PXDNL: variants seen among roughly 807,000 people sequenced by gnomAD.
PXDNL encodes probable oxidoreductase PXDNL.
PXDNL carries 145 observed loss-of-function variants against 150.8 expected under a neutral mutation model. The observed-to-expected ratio is 0.96, with a 90% CI of 0.84 to 1.10. The LOEUF is 1.10. PXDNL is among the 50% of genes least tolerant of loss of function. The pLI is 0.00. For synonymous variants in PXDNL, 757 were observed against 725.7 expected (o/e 1.04, Z -0.69); for missense variants, 2,087 against 1,873.9 (o/e 1.11, Z -2.10).
At chr8:51,601,348 G>A (rs186246197) in intron 2 of PXDNL, among the ~76,000 whole-genome samples, 2 of 152,078 alleles carry the variant, frequency 1.3e-5, no homozygotes, top group Admixed American at 1.3e-4. Context: ...TTACTGTGTG[G>A]CTGTCTAAGT....
intron 4 of PXDNL, among the ~76,000 whole-genome samples, chr8:51,540,043 T>G (rs894502681): frequency 6.6e-6 from 1 of 151,810 alleles, no homozygotes; most frequent in African/African-American, 2.4e-5. Context: ...GGACTACAGG[T>G]GCACACCACC....
At position 51,577,999 on chromosome 8, in the gene PXDNL, G is replaced by GAGGAAGGAAGGAAGGA. The variant is rs200324232; in HGVS notation, c.308+14612_308+14627dup. ...AGAAAGAAAGAAAGAAAGAAAGAAA[G>GAGGAAGGAAGGAAGGA]AGGAAGGAAGGAAGGAAGGAAGGAA... On this transcript the variant is annotated intron_variant, in intron 3 of 22. Coordinates refer to ENST00000356297, the MANE Select transcript of PXDNL (RefSeq NM_144651.5). Among the ~76,000 whole-genome samples the GAGGAAGGAAGGAAGGA allele has an allele frequency of 2.3e-3, 74 of 31,538 alleles. 1 individual carries two copies. Among genetic ancestry groups the GAGGAAGGAAGGAAGGA allele is most frequent in the African/African-American group, 4.3e-3 (33 of 7,744 alleles). The allele number at this position is 31,538 out of a possible 152,430, so 20.7% of individuals were successfully genotyped here.
intron 2 of PXDNL, among the ~76,000 whole-genome samples, chr8:51,618,987 G>C (rs114867153): frequency 1.1e-3 from 172 of 152,274 alleles, no homozygotes; most frequent in African/African-American, 3.8e-3. Flanking sequence ...ACAGTTCTGA[G>C]AGTATGACCT....
At chr8:51,451,334 C>T (rs1809805030) in intron 10 of PXDNL, among the ~76,000 whole-genome samples, 1 of 152,088 alleles carries the variant, frequency 6.6e-6, no homozygotes, top group Non-Finnish European at 1.5e-5. Flanking sequence ...CTAAAATGAG[C>T]AGCTTGCTAG....
Position 51,640,465 on chromosome 8 carries a change from A to T in PXDNL, c.236+14224T>A, listed in dbSNP as rs375592415. 2.3e-3 allele frequency among the ~76,000 whole-genome samples: 349 copies of T among 152,358 alleles called. 2 individuals carry two copies. The highest frequency in any genetic ancestry group is 8.3e-3 in the South Asian group (40 of 4,826). On this transcript the variant is annotated intron_variant, in intron 2 of 22. Coordinates refer to ENST00000356297, the MANE Select transcript of PXDNL (RefSeq NM_144651.5). ...TATACCTAGAAAACCCCATTGTCTC[A>T]GCCCAAATTCTCCTTAAGCTGATAA...
intron 18 of PXDNL, among the ~76,000 whole-genome samples, chr8:51,372,763 G>T (rs918686628): frequency 6.6e-6 from 1 of 152,148 alleles, no homozygotes; most frequent in Non-Finnish European, 1.5e-5. Flanking sequence ...TGCCTAAAAA[G>T]AAAATAGCAC....
At chr8:51,718,641 T>C (rs777170273) in intron 1 of PXDNL, among the ~76,000 whole-genome samples, 1 of 152,200 alleles carries the variant, frequency 6.6e-6, no homozygotes, top group Non-Finnish European at 1.5e-5. Context: ...TAGAATTCTT[T>C]TGAAAAGTAT....
intron 19 of PXDNL, among the ~76,000 whole-genome samples, chr8:51,351,255 A>T (rs563923460): frequency 6.6e-6 from 1 of 152,218 alleles, no homozygotes; most frequent in East Asian, 1.9e-4. Flanking sequence ...AGACTATAAC[A>T]TTATTTGGAA....
At chr8:51,699,867 C>T (rs1024509382) in intron 1 of PXDNL, among the ~76,000 whole-genome samples, 1 of 152,136 alleles carries the variant, frequency 6.6e-6, no homozygotes, top group African/African-American at 2.4e-5. Flanking sequence ...GGACATTTGT[C>T]AGTTAAGTTC....
chr8:51,642,465 G>A (rs1585642411), intron 2 of PXDNL, among the ~76,000 whole-genome samples: 1 of 152,180 alleles, frequency 6.6e-6, no homozygotes, highest in East Asian at 1.9e-4. Context: ...AATAGATGCA[G>A]ATAAGGCCTT....
intron 14 of PXDNL, among the ~76,000 whole-genome samples, chr8:51,418,580 A>G (rs1396040914): frequency 6.6e-6 from 1 of 152,230 alleles, no homozygotes; most frequent in Non-Finnish European, 1.5e-5. Context: ...TTGGAAAATA[A>G]CTAGAACTCA....
At chr8:51,709,366 C>T (rs4873578) in intron 1 of PXDNL, among the ~76,000 whole-genome samples, 100,930 of 151,730 alleles carry the variant, frequency 0.67, 34,794 homozygotes, top group East Asian at 0.81. Flanking sequence ...GCCATTCTCC[C>T]GCCTCAGCCT....
intron 1 of PXDNL, among the ~76,000 whole-genome samples, chr8:51,686,925 A>G (rs1815890164): frequency 6.6e-6 from 1 of 152,132 alleles, no homozygotes; most frequent in East Asian, 1.9e-4. Context: ...TTACAAATAA[A>G]TAAGGAAAAC....
intron 2 of PXDNL, among the ~76,000 whole-genome samples, chr8:51,642,544 A>G (rs1421392416): frequency 1.3e-5 from 2 of 152,056 alleles, no homozygotes; most frequent in African/African-American, 4.8e-5. Context: ...ACATATCTCA[A>G]AATAATAAGA....
chr8:51,800,569 G>A (rs1317866597), intron 1 of PXDNL, among the ~76,000 whole-genome samples: 1 of 152,216 alleles, frequency 6.6e-6, no homozygotes, highest in African/African-American at 2.4e-5. Context: ...GTTGTGGGAA[G>A]TCAGGGACCC....
At chr8:51,381,654 A>G (rs1284389015) in intron 17 of PXDNL, among the ~76,000 whole-genome samples, 5 of 147,296 alleles carry the variant, frequency 3.4e-5, no homozygotes, top group South Asian at 4.3e-4. Context: ...TTATTTATTT[A>G]TTTATTTATT....
chr8:51,345,799 G>A, intron 20 of PXDNL, 34 bp downstream of exon 20: 3 of 1,324,482 alleles, frequency 2.3e-6, no homozygotes, highest in Admixed American at 1.8e-5. Context: ...TCTATAGTAA[G>A]TTGCCTAAAG....
chr8:51,512,845 C>G (rs1811450942), intron 4 of PXDNL, among the ~76,000 whole-genome samples: 1 of 152,154 alleles, frequency 6.6e-6, no homozygotes, highest in Non-Finnish European at 1.5e-5. Context: ...AGTCTGAAAT[C>G]TATACTGACT....
intron 19 of PXDNL, among the ~76,000 whole-genome samples, chr8:51,364,928 G>C (rs1195322810): frequency 6.6e-6 from 1 of 151,988 alleles, no homozygotes; most frequent in African/African-American, 2.4e-5. Flanking sequence ...TTATACAACA[G>C]ACTTTATTTT....
Sources: allele counts gnomAD v4.1 joint callset (sites outside exome capture counted in the v4.1 genomes callset), GRCh38; gene constraint gnomAD v4.1.1; transcripts MANE v1.5; gene names NCBI Gene and HGNC (gene_info 2026-07-23, HGNC 2026-07-21).